DOCK7: variants seen among roughly 807,000 people sequenced by gnomAD.
The protein encoded by DOCK7 is dedicator of cytokinesis protein 7.
DOCK7 carries 138 observed loss-of-function variants against 271.0 expected under a neutral mutation model. The observed-to-expected ratio is 0.51, with a 90% CI of 0.44 to 0.59. The LOEUF (loss-of-function observed/expected upper bound fraction) is 0.59, where lower values mean the gene tolerates loss of function less well. DOCK7 is among the 20% of genes least tolerant of loss of function. The probability of loss-of-function intolerance (pLI) is 0.00; values close to 1 mark genes in which losing one functional copy is unlikely to be tolerated. For missense variants in DOCK7, 2,066 were observed against 2,592.4 expected, an observed-to-expected ratio of 0.80 and a Z score of 4.41; for synonymous variants, 823 against 876.1, an observed-to-expected ratio of 0.94 and a Z score of 1.07.
rs187525280 is a variant in DOCK7 at position 62,664,806 on chromosome 1, G to A, written c.39-1676C>T. Among the ~76,000 whole-genome samples, 1,199 of 149,452 alleles carry A rather than the reference G, an allele frequency of 8.0e-3. 11 individuals are homozygous for A. Among genetic ancestry groups the A allele is most frequent in the Middle Eastern group, 0.047 (13 of 278 alleles). ...TTAAAAAAAAAAAAAAAAAGTTAAC[G>A]ACAAGGGAGGAAGACAACAGCACCA... On this transcript the variant is annotated intron_variant, in intron 1 of 49. Coordinates refer to ENST00000635253, the MANE Select transcript of DOCK7 (RefSeq NM_001367561.1).
intron 40 of DOCK7, 96 bp downstream of exon 40, chr1:62,494,179 T>C (rs1437922391): frequency 2.0e-5 from 24 of 1,182,008 alleles, no homozygotes; most frequent in Non-Finnish European, 2.4e-5. Flanking sequence ...GTCTTTAAGC[T>C]TTCCTTATAA....
At chr1:62,666,407 CATTA>C (rs1659325534) in intron 1 of DOCK7, among the ~76,000 whole-genome samples, 1 of 152,076 alleles carries the variant, frequency 6.6e-6, no homozygotes, top group South Asian at 2.1e-4. Context: ...TTCTACATGA[CATTA>C]ATTTCCCCCC....
At chr1:62,575,703 C>A (rs1646923710) in intron 18 of DOCK7, among the ~76,000 whole-genome samples, 1 of 152,048 alleles carries the variant, frequency 6.6e-6, no homozygotes, top group Non-Finnish European at 1.5e-5. Flanking sequence ...AAAGTTTTGG[C>A]TCTTAATCAG....
At chr1:62,586,986 T>G (rs543152644) in intron 14 of DOCK7, among the ~76,000 whole-genome samples, 29 of 152,196 alleles carry the variant, frequency 1.9e-4, no homozygotes, top group African/African-American at 7.0e-4. Flanking sequence ...GACACATTAT[T>G]AAGTTAAAAA....
At chr1:62,644,134 C>G (rs1223622692) in intron 7 of DOCK7, among the ~76,000 whole-genome samples, 1 of 152,056 alleles carries the variant, frequency 6.6e-6, no homozygotes, top group Non-Finnish European at 1.5e-5. Context: ...TATTTTAAGG[C>G]CTATATTTTT....
intron 33 of DOCK7, chr1:62,511,491 A>T (rs189665110): frequency 1.3e-5 from 2 of 152,306 alleles, no homozygotes; most frequent in Non-Finnish European, 2.9e-5. Flanking sequence ...TAAGACTTTA[A>T]ATTGGTTAAG....
At position 62,651,655 on chromosome 1, in the gene DOCK7, A is replaced by AATTAAG. The variant is rs1336853531; in HGVS notation, c.389+2069_389+2070insCTTAAT. On this transcript the variant is annotated intron_variant, in intron 4 of 49. Coordinates refer to ENST00000635253, the MANE Select transcript of DOCK7 (RefSeq NM_001367561.1). The stretch of plus-strand genomic sequence containing the variant: ...ATCAAAATTTTAATTTCCAAAGATA[A>AATTAAG]CGAATTGATTTTTATATGGTTAAAA... Among the ~76,000 whole-genome samples the AATTAAG allele has an allele frequency of 2.6e-4, 40 of 152,186 alleles. No individual in the cohort carries two copies. The East Asian group carries it at 7.4e-3, about 28-fold the overall frequency.
rs766838481 is a variant in DOCK7 at position 62,513,875 on chromosome 1, A to G, written c.3960T>C (p.Phe1320=). The change falls in exon 32 of 50, where the codon TTT becomes TTC. Residue 1320 remains phenylalanine, a synonymous_variant. Coordinates refer to ENST00000635253, the MANE Select transcript of DOCK7 (RefSeq NM_001367561.1). ...AAAGGCTTCGACTTGATTCTGCTGA[A>G]AAGGTAGTGTGTTGCCTGCCACTCT... ...TSTSGRQHTT[F]SAESSRSLLI... is the part of the protein sequence containing the mutation. 7 of 1,613,928 alleles carry G rather than the reference A, an allele frequency of 4.3e-6. No individual in the cohort carries two copies. Among genetic ancestry groups the G allele is most frequent in the Non-Finnish European group, 5.1e-6 (6 of 1,179,906 alleles).
chr1:62,460,254 T>C (rs779832792), intron 48 of DOCK7, among the ~76,000 whole-genome samples: 11 of 151,982 alleles, frequency 7.2e-5, no homozygotes, highest in East Asian at 3.9e-4. Flanking sequence ...ATAAAAATAA[T>C]TGTAAAACTT....
At chr1:62,613,007 T>C (rs1052768319) in intron 14 of DOCK7, among the ~76,000 whole-genome samples, 2 of 152,238 alleles carry the variant, frequency 1.3e-5, no homozygotes, top group African/African-American at 4.8e-5. Flanking sequence ...ATTTGCTCAA[T>C]TAATGTACCT....
intron 7 of DOCK7, chr1:62,641,045 C>A: frequency 5.7e-6 from 1 of 176,458 alleles, no homozygotes. Flanking sequence ...CCTGGATCCC[C>A]CACATCCCAG....
intron 14 of DOCK7, among the ~76,000 whole-genome samples, chr1:62,617,634 C>T (rs1027386531): frequency 2.0e-5 from 3 of 151,702 alleles, no homozygotes; most frequent in Admixed American, 1.3e-4. Flanking sequence ...TAAAATATCT[C>T]AATAATTCTT....
chr1:62,504,915 A>T, intron 36 of DOCK7, 133 bp from the exon 37 acceptor site: 3 of 1,080,268 alleles, frequency 2.8e-6, no homozygotes, highest in Non-Finnish European at 3.9e-6. Context: ...ATATTAGCTA[A>T]TGGTTAATAG....
chr1:62,625,221 A>T, intron 12 of DOCK7, 38 bp downstream of exon 12: 1 of 1,605,600 alleles, frequency 6.2e-7, no homozygotes, highest in Non-Finnish European at 8.5e-7. Flanking sequence ...ATTTATGCAC[A>T]AACATCTCCC....
At chr1:62,456,438 AT>A (rs1645350262) in intron 49 of DOCK7, among the ~76,000 whole-genome samples, 1 of 152,204 alleles carries the variant, frequency 6.6e-6, no homozygotes, top group South Asian at 2.1e-4. Context: ...GAGGCTTAAT[AT>A]CTCCAGGAAA....
intron 37 of DOCK7, 124 bp downstream of exon 37, chr1:62,504,506 T>C: frequency 2.0e-6 from 2 of 1,011,210 alleles, no homozygotes; most frequent in South Asian, 1.8e-5. Context: ...AATATCAAGA[T>C]AGCCTATGAT....
intron 43 of DOCK7, chr1:62,483,734 C>T (rs1233414312): frequency 6.6e-6 from 1 of 152,018 alleles, no homozygotes; most frequent in Admixed American, 6.6e-5. Context: ...AGGTACATGC[C>T]CCAGCAATTT....
chr1:62,662,483 C>T (rs1317472792), intron 2 of DOCK7, among the ~76,000 whole-genome samples: 1 of 152,136 alleles, frequency 6.6e-6, no homozygotes, highest in Non-Finnish European at 1.5e-5. Flanking sequence ...AGTTCTAGGG[C>T]CGGACGCGGT....
At chr1:62,576,486 A>G (rs1264098747) in intron 18 of DOCK7, among the ~76,000 whole-genome samples, 1 of 152,260 alleles carries the variant, frequency 6.6e-6, no homozygotes, top group Non-Finnish European at 1.5e-5. Context: ...ACAGTGAGAA[A>G]TAAGATCAGA....
Sources: gnomAD v4.1 joint callset for allele counts (sites outside exome capture counted in the v4.1 genomes callset) on GRCh38, gnomAD v4.1.1 for gene constraint, MANE v1.5 for transcripts, NCBI Gene and HGNC (gene_info 2026-07-23, HGNC 2026-07-21) for gene names.